The following DAB1 variants were observed in gnomAD, a reference collection of about 807,000 sequenced individuals.
DAB1 encodes the protein DAB adaptor protein 1.
In DAB1, 15 loss-of-function variants were observed where a neutral mutation model predicts 64.6. The observed-to-expected ratio is 0.23, with a 90% CI of 0.16 to 0.36. DAB1 has a LOEUF of 0.36. DAB1 is among the 10% of genes least tolerant of loss of function. The probability of loss-of-function intolerance (pLI) is 1.00; values close to 1 mark genes in which losing one functional copy is unlikely to be tolerated. For missense variants in DAB1, 596 were observed against 706.7 expected (o/e 0.84, Z 1.78); for synonymous variants, 235 against 251.9 (o/e 0.93, Z 0.64).
At chr1:58,367,345 C>A (rs903871016) in intron 3 of DAB1, among the ~76,000 whole-genome samples, 7 of 152,208 alleles carry the variant, frequency 4.6e-5, no homozygotes, top group African/African-American at 1.7e-4. Flanking sequence ...AATGCCCCAG[C>A]CAACTACTTA....
At position 57,000,396 on chromosome 1, in the gene DAB1, G is replaced by A. The variant is rs145303989; in HGVS notation, c.*16-2268C>T. On this transcript the variant is annotated intron_variant, in intron 14 of 14. Coordinates refer to ENST00000371236, the MANE Select transcript of DAB1 (RefSeq NM_001365792.1). ...CTAGCACAGTAGGTCCTCAATGAGAGTCTGTTGAATTACTGAATGATTATA... is the reference window on the plus strand; with the variant it reads ...CTAGCACAGTAGGTCCTCAATGAGAATCTGTTGAATTACTGAATGATTATA... Among the ~76,000 whole-genome samples the A allele has an allele frequency of 2.2e-3, 333 of 152,206 alleles. 2 individuals are homozygous for A. Among genetic ancestry groups the A allele is most frequent in the African/African-American group, 7.8e-3 (324 of 41,532 alleles).
At chr1:57,160,212 G>A (rs1660617245) in intron 2 of DAB1, among the ~76,000 whole-genome samples, 1 of 152,200 alleles carries the variant, frequency 6.6e-6, no homozygotes, top group Non-Finnish European at 1.5e-5. Context: ...TTTATTTCAT[G>A]TTGATACCAC....
chr1:57,394,094 C>T (rs1408968709), intron 1 of DAB1, among the ~76,000 whole-genome samples: 1 of 152,172 alleles, frequency 6.6e-6, no homozygotes, highest in African/African-American at 2.4e-5. Flanking sequence ...CTCTGTTAAC[C>T]TTTATCATAT....
chr1:57,767,111 T>C (rs1412216686), intron 6 of DAB1, among the ~76,000 whole-genome samples: 1 of 152,020 alleles, frequency 6.6e-6, no homozygotes, highest in African/African-American at 2.4e-5. Flanking sequence ...GGAGAATTCA[T>C]TAGTTAGGCA....
At chr1:57,140,835 G>A (rs1366561290) in intron 3 of DAB1, among the ~76,000 whole-genome samples, 1 of 152,170 alleles carries the variant, frequency 6.6e-6, no homozygotes, top group Non-Finnish European at 1.5e-5. Context: ...GCAGTATCTC[G>A]ATGGAGGACG....
At chr1:57,429,680 G>A (rs1009649179) in intron 7 of DAB1, among the ~76,000 whole-genome samples, 1 of 152,056 alleles carries the variant, frequency 6.6e-6, no homozygotes, top group African/African-American at 2.4e-5. Flanking sequence ...CATAATATAA[G>A]GATTCAATTT....
At chr1:57,809,161 T>C (rs1651502880) in intron 6 of DAB1, among the ~76,000 whole-genome samples, 1 of 152,196 alleles carries the variant, frequency 6.6e-6, no homozygotes. Flanking sequence ...CAATTGTATC[T>C]CCAAGTAGAA....
At chr1:57,023,672 G>T in intron 10 of DAB1, 33 bp from the exon 11 acceptor site, 1 of 1,412,144 alleles carries the variant, frequency 7.1e-7, no homozygotes, top group Non-Finnish European at 1.0e-6. Flanking sequence ...GGACACATGA[G>T]ACCTGGCTTA....
rs1658289853 is a variant in DAB1 at position 57,138,172 on chromosome 1, C to T, written c.208-1531G>A. Reference sequence around the variant, plus strand: ...CCTGCTAGGAGGAAATTCCCTCTTTCACACATCACCCATTCATTCTCAAGC... The same window carrying T: ...CCTGCTAGGAGGAAATTCCCTCTTTTACACATCACCCATTCATTCTCAAGC... On this transcript the variant is annotated intron_variant, in intron 3 of 14. Transcript: ENST00000371236. Among the ~76,000 whole-genome samples the T allele has an allele frequency of 1.3e-5, 2 of 152,176 alleles. 1 individual carries two copies. Among genetic ancestry groups the T allele is most frequent in the South Asian group, 4.1e-4 (2 of 4,824 alleles).
chr1:57,706,637 T>C (rs932581222), intron 6 of DAB1, among the ~76,000 whole-genome samples: 1 of 152,088 alleles, frequency 6.6e-6, no homozygotes, highest in Admixed American at 6.6e-5. Flanking sequence ...TATCAATATC[T>C]TTTCTCCCCA....
chr1:57,489,565 C>T (rs1271760566), intron 7 of DAB1, among the ~76,000 whole-genome samples: 1 of 152,148 alleles, frequency 6.6e-6, no homozygotes, highest in Non-Finnish European at 1.5e-5. Flanking sequence ...CCCTGTGGTT[C>T]GATTACAAGT....
chr1:57,986,878 C>G (rs770849367), intron 5 of DAB1, among the ~76,000 whole-genome samples: 23 of 152,174 alleles, frequency 1.5e-4, no homozygotes, highest in Non-Finnish European at 2.9e-4. Context: ...CTGGGCCCTA[C>G]ATTCGTTGTC....
At chr1:57,051,157 A>G (rs924357679) in intron 9 of DAB1, among the ~76,000 whole-genome samples, 1 of 152,232 alleles carries the variant, frequency 6.6e-6, no homozygotes, top group Non-Finnish European at 1.5e-5. Flanking sequence ...AAGAAAGCTC[A>G]TCTAAGAAAC....
intron 7 of DAB1, among the ~76,000 whole-genome samples, chr1:57,559,078 C>T (rs1424930072): frequency 6.6e-6 from 1 of 152,186 alleles, no homozygotes. Flanking sequence ...CCAAGTGGTA[C>T]ATTCAACCAT....
At chr1:57,453,567 C>T (rs1443697735) in intron 7 of DAB1, among the ~76,000 whole-genome samples, 2 of 152,100 alleles carry the variant, frequency 1.3e-5, no homozygotes, top group African/African-American at 4.8e-5. Flanking sequence ...CTAACTACAG[C>T]TCCAAGTTTG....
At chr1:57,023,759 T>C (rs1457461099) in intron 10 of DAB1, 120 bp from the exon 11 acceptor site, 25 of 683,922 alleles carry the variant, frequency 3.7e-5, no homozygotes, top group South Asian at 8.3e-5. Flanking sequence ...AAGCCACTTA[T>C]GGGGTGTGCA....
At chr1:57,964,805 C>T (rs771029203) in intron 5 of DAB1, among the ~76,000 whole-genome samples, 24 of 152,058 alleles carry the variant, frequency 1.6e-4, no homozygotes, top group Admixed American at 8.5e-4. Flanking sequence ...CTATTGAAAA[C>T]AAGAGAAGAA....
At chr1:57,839,308 G>C (rs1195261473) in intron 1 of DAB1, among the ~76,000 whole-genome samples, 3 of 152,176 alleles carry the variant, frequency 2.0e-5, no homozygotes, top group Admixed American at 6.5e-5. Flanking sequence ...AAGTGACTTT[G>C]ACAGTTCTCA....
intron 7 of DAB1, among the ~76,000 whole-genome samples, chr1:57,505,497 T>C (rs1056286044): frequency 1.3e-5 from 2 of 152,138 alleles, no homozygotes; most frequent in African/African-American, 4.8e-5. Context: ...GGAGGTGAGG[T>C]AGTGAGAGAA....
Sources: allele counts gnomAD v4.1 joint callset (sites outside exome capture counted in the v4.1 genomes callset), GRCh38; gene constraint gnomAD v4.1.1; transcripts MANE v1.5; gene names NCBI Gene and HGNC (gene_info 2026-07-23, HGNC 2026-07-21).